SEC16A: variants seen among roughly 807,000 people sequenced by gnomAD.
SEC16A encodes the protein SEC16 homolog A, endoplasmic reticulum export factor, also known as protein transport protein Sec16A.
SEC16A carries 110 observed loss-of-function variants against 221.9 expected under a neutral mutation model. The observed-to-expected ratio is 0.50, with a 90% CI of 0.42 to 0.58. SEC16A has a LOEUF of 0.58. SEC16A is among the 20% of genes least tolerant of loss of function. SEC16A has a pLI of 0.00. For synonymous variants in SEC16A, 1,393 were observed against 1,257.7 expected (o/e 1.11, Z -2.28); for missense variants, 3,165 against 3,097.8 (o/e 1.02, Z -0.52).
In SEC16A at chr9:136,455,769, C is replaced by T. The variant is rs181398018; in HGVS notation, c.5689G>A (p.Asp1897Asn). The change falls in exon 20 of 32, where the codon GAT becomes AAT. Residue 1897 changes from aspartate to asparagine, a missense_variant. Around this residue, in one of 3 missense-constraint regions of SEC16A, gnomAD observed 1,088 missense variants for 1,089.6 expected, o/e 1.00. Coordinates refer to ENST00000684901, the MANE Select transcript of SEC16A (RefSeq NM_014866.2). ...GGACACTGCTGCGGGAGGGCTCCAT[C>T]CTGATGCCATACTCCAGCCCCCTCC... The part of the protein sequence containing the change: ...IKEGAGVWHQ[D>N]GALPQQCPGT... The T allele has an allele frequency of 1.2e-6, 2 of 1,600,906 alleles. No individual in the cohort carries two copies. Among genetic ancestry groups the T allele is most frequent in the Non-Finnish European group, 1.7e-6 (2 of 1,174,016 alleles).
Position 136,448,137 on chromosome 9 carries a change from G to A in SEC16A, c.6337C>T (p.Leu2113=). ...KKGESWFFRW[L]PGKKKTEAYL... ...GCTTCTGTCTTTTTCTTTCCAGGTA[G>A]CCAACGAAAGAACCAGGATTCACCC... Residue 2113 remains leucine (L), a synonymous_variant, in exon 24 of 32, where the codon CTA becomes TTA. Transcript: ENST00000684901. 6.2e-7 allele frequency: 1 copy of A among 1,613,554 alleles called. No homozygotes were observed. Among genetic ancestry groups the A allele is most frequent in the Non-Finnish European group, 8.5e-7 (1 of 1,179,644 alleles).
At chr9:136,472,250 T>G in intron 3 of SEC16A, 139 bp from the exon 4 acceptor site, 2 of 981,126 alleles carry the variant, frequency 2.0e-6, no homozygotes, top group Non-Finnish European at 3.0e-6. Context: ...ACAACCAGCC[T>G]GAGCTAGAAA....
Position 136,461,238 on chromosome 9 carries a change from C to T in SEC16A, c.4930G>A (p.Gly1644Ser). ...TTACTTGCAAGTAGCAGAGCGTGAC[C>T]CCACAGGCCATTCTTCATTGCAGAC... ...LESAMKNGLW[G>S]HALLLASKMD... Residue 1644 changes from glycine (G) to serine (S), a missense_variant, in exon 13 of 32, where the codon GGT becomes AGT. Physicochemically the swap from Gly to Ser is moderately conservative, Grantham distance 56. Transcript: ENST00000684901. 6.2e-7 allele frequency: 1 copy of T among 1,609,138 alleles called. No individual in the cohort carries two copies. The highest frequency in any genetic ancestry group is 8.5e-7 in the Non-Finnish European group (1 of 1,177,906).
rs561420041 is a variant in SEC16A, at chr9:136,466,018, G to T, written c.4247C>A (p.Pro1416His). The T allele has an allele frequency of 1.2e-6, 2 of 1,613,616 alleles. No individual in the cohort carries two copies. The highest frequency in any genetic ancestry group is 3.3e-5 in the Admixed American group (2 of 60,000). The change falls in exon 8 of 32, where the codon CCC becomes CAC. Residue 1416 changes from proline (P) to histidine (H), a missense_variant. Coordinates refer to ENST00000684901, the MANE Select transcript of SEC16A (RefSeq NM_014866.2). The surrounding 1 kb of genome is among the most constrained non-coding windows in gnomAD (Gnocchi z 5.5). ...AGGGTAGCCATACTCTGGGAAGCCG[G>T]GGCCACTGCTGAAATTGCTGCGGTA... ...GTYRSNFSSG[P>H]GFPEYGYPAD...
chr9:136,454,460 A>G, intron 20 of SEC16A, 133 bp from the exon 21 acceptor site: 1 of 875,896 alleles, frequency 1.1e-6, no homozygotes, highest in Non-Finnish European at 1.9e-6. Flanking sequence ...GAGGTCCAAC[A>G]GAGCAGAAAG....
chr9:136,446,615 CG>C (rs1837027811), intron 28 of SEC16A, among the ~76,000 whole-genome samples: 1 of 152,066 alleles, frequency 6.6e-6, no homozygotes, highest in South Asian at 2.1e-4. Context: ...GCACATTCAC[CG>C]TGCTGAGCAA....
Position 136,445,056 on chromosome 9 carries a change from T to C in SEC16A, c.6923A>G (p.Asn2308Ser). 6.2e-7 allele frequency: 1 copy of C among 1,606,052 alleles called. No individual in the cohort carries two copies. The highest frequency in any genetic ancestry group is 8.5e-7 in the Non-Finnish European group (1 of 1,176,554). ...SLSREVSQHF[N>S]QAPGDLPAAG... ...AGGACCACCAGCCGCAGGTACCTGA[T>C]TAAAATGCTGGCTCACTTCACGTGA... Residue 2308 changes from asparagine to serine, a missense_variant, in exon 30 of 32, where the codon AAT (asparagine) becomes AGT (serine). Asn to Ser is a conservative substitution (Grantham distance 46). Coordinates refer to ENST00000684901, the MANE Select transcript of SEC16A (RefSeq NM_014866.2).
At position 136,443,867 on chromosome 9, in the gene SEC16A, G is replaced by C. The variant is rs1836559716; in HGVS notation, c.6961C>G (p.Pro2321Ala). ...TTGTAGAAGGGCATGGCCCCGCTGG[G>C]AGGGCCCCCTGCAGCAGGGAGGTCG... ...PGDLPAAGGP[P>A]SGAMPFYNPA... is the part of the protein sequence containing the mutation. The change falls in exon 31 of 32, where the codon CCC becomes GCC. Residue 2321 changes from proline (P) to alanine (A), a missense_variant. Pro to Ala is a conservative substitution (Grantham distance 27). Transcript: ENST00000684901. 6.2e-7 allele frequency: 1 copy of C among 1,611,558 alleles called. No homozygotes were observed. Among genetic ancestry groups the C allele is most frequent in the Non-Finnish European group, 8.5e-7 (1 of 1,179,006 alleles).
At position 136,475,369 on chromosome 9, in the gene SEC16A, C is replaced by T; in HGVS notation, c.2247G>A (p.Val749=). 6.2e-7 allele frequency: 1 copy of T among 1,609,272 alleles called. No homozygotes were observed. The highest frequency in any genetic ancestry group is 8.5e-7 in the Non-Finnish European group (1 of 1,176,930). The change falls in exon 3 of 32, where the codon GTG becomes GTA. Residue 749 remains valine (V), a synonymous_variant. Coordinates refer to ENST00000684901, the MANE Select transcript of SEC16A (RefSeq NM_014866.2). This position sits in a 1 kb window ranked among gnomAD's most constrained non-coding sequence, Gnocchi z 5.0. ...LLAPAAPALY[V]CAKPQPPVVQ... ...CAACAGGTGGCTGAGGTTTTGCACACACATAAAGCGCCGGGGCTGCAGGGG... is the reference window on the plus strand; with the variant it reads ...CAACAGGTGGCTGAGGTTTTGCACATACATAAAGCGCCGGGGCTGCAGGGG...
In SEC16A at chr9:136,463,491, A is replaced by C; in HGVS notation, c.4619T>G (p.Phe1540Cys). Residue 1540 changes from phenylalanine to cysteine, a missense_variant, in exon 11 of 32, where the codon TTT (phenylalanine) becomes TGT (cysteine). Physicochemically the swap from Phe to Cys is radical, Grantham distance 205 (BLOSUM62 -2). Coordinates refer to ENST00000684901, the MANE Select transcript of SEC16A (RefSeq NM_014866.2). ...ATTTTGTCTGCATAAGAGAACAATA[A>C]AATTCCAAAGAAGACTTGCAGACTC... ...DKESASLLWNFIVLLCRQNGT... is the reference protein window; with the variant it reads ...DKESASLLWNCIVLLCRQNGT... 6.2e-7 allele frequency: 1 copy of C among 1,613,928 alleles called. No homozygotes were observed.
In SEC16A at chr9:136,463,124, T is replaced by C; in HGVS notation, c.4656A>G (p.Val1552=). ...ACAGAAGCTCCGCAATGTCGGTCCC[T>C]ACCACGGTCTGTTTGGGTCAACAGG... The part of the protein sequence containing the change: ...VLLCRQNGTV[V]GTDIAELLLR... The change falls in exon 12 of 32, where the codon GTA becomes GTG. Residue 1552 remains valine, a synonymous_variant. Transcript: ENST00000684901. The C allele has an allele frequency of 1.2e-6, 2 of 1,609,716 alleles. No homozygotes were observed. Among genetic ancestry groups the C allele is most frequent in the Non-Finnish European group, 1.7e-6 (2 of 1,179,846 alleles).
chr9:136,448,122 T>G lies in SEC16A; in HGVS notation c.6352A>C (p.Lys2118Gln). The change falls in exon 24 of 32, where the codon AAG (lysine) becomes CAG (glutamine). Residue 2118 changes from lysine (K) to glutamine (Q), a missense_variant. Physicochemically the swap from Lys to Gln is moderately conservative, Grantham distance 53. This residue lies in a region of SEC16A where 1,088 missense variants were observed against 1,089.6 expected (regional missense o/e 1.00). Transcript: ENST00000684901. ...TCATCTGGCAAATAAGCTTCTGTCT[T>G]TTTCTTTCCAGGTAGCCAACGAAAG... ...WFFRWLPGKK[K>Q]TEAYLPDDKN... 6.2e-7 allele frequency: 1 copy of G among 1,613,660 alleles called. No individual in the cohort carries two copies. The highest frequency in any genetic ancestry group is 8.5e-7 in the Non-Finnish European group (1 of 1,179,780).
chr9:136,455,931 T>TGA, intron 19 of SEC16A, 122 bp downstream of exon 19: 1 of 1,176,624 alleles, frequency 8.5e-7, no homozygotes, highest in Non-Finnish European at 1.2e-6. Context: ...AATTAGGGAA[T>TGA]TCTCATAGGC....
intron 13 of SEC16A, among the ~76,000 whole-genome samples, 160 bp downstream of exon 13, chr9:136,461,017 C>T (rs547862951): frequency 3.9e-5 from 6 of 152,244 alleles, no homozygotes; most frequent in South Asian, 4.1e-4. Flanking sequence ...CTCCACAACA[C>T]GACCCAAGGA....
chr9:136,456,744 C>T (rs754872653), intron 18 of SEC16A, among the ~76,000 whole-genome samples: 1 of 152,224 alleles, frequency 6.6e-6, no homozygotes, highest in Non-Finnish European at 1.5e-5. Context: ...CCCATACTCT[C>T]GTCAGTCATG....
At chr9:136,456,272 G>GT (rs1201992039) in intron 18 of SEC16A, 106 bp from the exon 19 acceptor site, 2 of 770,066 alleles carry the variant, frequency 2.6e-6, no homozygotes, top group African/African-American at 3.5e-5. Flanking sequence ...TGGCAATAAA[G>GT]TTTAATTAGC....
chr9:136,479,555 T>C (rs1842059191), intron 1 of SEC16A, among the ~76,000 whole-genome samples: 1 of 152,150 alleles, frequency 6.6e-6, no homozygotes. Flanking sequence ...GGTTTCACCA[T>C]GTTAGCCAGG....
At chr9:136,460,225 G>C (rs1300370951) in intron 13 of SEC16A, 102 bp from the exon 14 acceptor site, 4 of 844,728 alleles carry the variant, frequency 4.7e-6, no homozygotes, top group African/African-American at 3.4e-5. Flanking sequence ...CACTTTGGGA[G>C]GCCAAAGTGG....
At chr9:136,454,459 C>T (rs2132102523) in intron 20 of SEC16A, 132 bp from the exon 21 acceptor site, 2 of 887,592 alleles carry the variant, frequency 2.3e-6, no homozygotes, top group Non-Finnish European at 1.8e-6. Context: ...GGAGGTCCAA[C>T]AGAGCAGAAA....
Sources: gnomAD v4.1 joint callset for allele counts (sites outside exome capture counted in the v4.1 genomes callset) on GRCh38, gnomAD v4.1.1 for gene constraint, gnomAD v4.1.1 regional missense constraint, Gnocchi (gnomAD v3.1) non-coding constraint, MANE v1.5 for transcripts, NCBI Gene and HGNC (gene_info 2026-07-23, HGNC 2026-07-21) for gene names.